MET: variants seen among roughly 807,000 people sequenced by gnomAD.
MET encodes the protein hepatocyte growth factor receptor.
Under a neutral mutation model 133.1 loss-of-function variants are expected in MET, and 48 were observed. The observed-to-expected ratio is 0.36, with a 90% CI of 0.29 to 0.46. MET has a LOEUF of 0.46. Among genes scored for constraint, MET ranks in the 20% least tolerant of loss-of-function variants. The pLI, the probability that MET is intolerant of heterozygous loss-of-function variation, is 1.00. For missense variants in MET, 1,442 were observed against 1,695.9 expected (o/e 0.85, Z 2.63); for synonymous variants, 628 against 616.5 (o/e 1.02, Z -0.28).
At chr7:116,779,011 C>A (rs2117049185) in intron 17 of MET, 54 bp downstream of exon 17, 2 of 1,579,878 alleles carry the variant, frequency 1.3e-6, no homozygotes, top group South Asian at 1.1e-5. Flanking sequence ...GCCAGCCATC[C>A]CTTCAAAATA....
intron 19 of MET, among the ~76,000 whole-genome samples, chr7:116,789,945 T>C (rs1394629404): frequency 1.3e-5 from 2 of 152,176 alleles, no homozygotes; most frequent in Non-Finnish European, 2.9e-5. Context: ...ATTAGCTGCT[T>C]TTCCTGATGC....
intron 19 of MET, among the ~76,000 whole-genome samples, chr7:116,784,877 C>G (rs142499284): frequency 0.011 from 1,617 of 152,244 alleles, 29 homozygotes; most frequent in African/African-American, 0.037. Flanking sequence ...AGGCAAGTCC[C>G]TTCTGCCTAT....
chr7:116,774,038 G>A (rs1440959096), intron 14 of MET, among the ~76,000 whole-genome samples: 1 of 152,104 alleles, frequency 6.6e-6, no homozygotes, highest in African/African-American at 2.4e-5. Flanking sequence ...CTGTGGCTAT[G>A]ATGCCCCCTC....
At chr7:116,758,071 T>C (rs1467685481) in intron 8 of MET, among the ~76,000 whole-genome samples, 3 of 152,194 alleles carry the variant, frequency 2.0e-5, no homozygotes, top group African/African-American at 7.2e-5. Context: ...GTCTGGTCAT[T>C]GATAATAATT....
intron 3 of MET, 51 bp from the exon 4 acceptor site, chr7:116,739,899 T>G: frequency 6.2e-7 from 1 of 1,613,332 alleles, no homozygotes; most frequent in East Asian, 2.2e-5. Flanking sequence ...TCCACTTATA[T>G]TTAAACTGAG....
intron 5 of MET, among the ~76,000 whole-genome samples, chr7:116,746,889 G>A (rs568944744): frequency 3.0e-4 from 45 of 151,882 alleles, no homozygotes; most frequent in East Asian, 2.7e-3. Flanking sequence ...TAACAAACCC[G>A]CACATTGTGC....
chr7:116,766,096 A>T (rs1177317352), intron 11 of MET, among the ~76,000 whole-genome samples: 1 of 152,220 alleles, frequency 6.6e-6, no homozygotes, highest in African/African-American at 2.4e-5. Flanking sequence ...TTTTATAAAT[A>T]TCTAAAAATT....
chr7:116,770,561 T>C (rs1313395317), intron 12 of MET, among the ~76,000 whole-genome samples: 2 of 152,136 alleles, frequency 1.3e-5, no homozygotes, highest in African/African-American at 4.8e-5. Context: ...CTATAACCAA[T>C]AAGCAGCAGC....
chr7:116,787,465 G>A (rs185799332), intron 19 of MET, among the ~76,000 whole-genome samples: 2 of 152,290 alleles, frequency 1.3e-5, no homozygotes, highest in East Asian at 3.9e-4. Flanking sequence ...AGATCAAGGG[G>A]CCACATGTGC....
At chr7:116,775,567 G>A (rs1212737241) in intron 15 of MET, among the ~76,000 whole-genome samples, 3 of 152,116 alleles carry the variant, frequency 2.0e-5, no homozygotes, top group East Asian at 1.9e-4. Flanking sequence ...TTAGCCAGGC[G>A]TGGTGGCGGG....
At chr7:116,719,860 G>T (rs1192551660) in intron 2 of MET, among the ~76,000 whole-genome samples, 1 of 151,688 alleles carries the variant, frequency 6.6e-6, no homozygotes, top group African/African-American at 2.4e-5. Context: ...TCTCTGTTTT[G>T]GTACCAGTAC....
At chr7:116,769,611 T>A (rs763901969) in intron 11 of MET, 34 bp from the exon 12 acceptor site, 2 of 1,602,880 alleles carry the variant, frequency 1.2e-6, no homozygotes, top group Non-Finnish European at 1.7e-6. Context: ...AACTGTGAAG[T>A]GTTAACAACC....
intron 2 of MET, among the ~76,000 whole-genome samples, chr7:116,727,418 A>C (rs1340309726): frequency 1.3e-5 from 2 of 152,150 alleles, no homozygotes; most frequent in African/African-American, 4.8e-5. Context: ...ATTATACATG[A>C]AAATACCCAC....
rs6566 is a variant in MET at position 116,798,364 on chromosome 7, G to A, written c.*2240G>A. The A allele has an allele frequency of 0.37, 69,298 of 187,378 alleles. 14,814 individuals carry two copies. The highest frequency in any genetic ancestry group is 0.49 in the East Asian group (5,700 of 11,586). 11.6% of individuals were successfully genotyped at this position (187,378 alleles called of 1,614,324 possible). ...TGTTCTGATAAATCATGCAATTAAA[G>A]TAAAGTGATGCAACATCTTGTATAC... On this transcript the variant is annotated 3_prime_UTR_variant, in exon 21 of 21. Coordinates refer to ENST00000397752, the MANE Select transcript of MET (RefSeq NM_000245.4).
At chr7:116,696,403 C>T (rs868094939) in intron 1 of MET, among the ~76,000 whole-genome samples, 1 of 152,174 alleles carries the variant, frequency 6.6e-6, no homozygotes, top group African/African-American at 2.4e-5. Flanking sequence ...CCTGTTACTA[C>T]TTTTTGCTTG....
intron 1 of MET, among the ~76,000 whole-genome samples, chr7:116,677,991 CTCTCTCTCTCTG>C (rs1449226043): frequency 7.0e-4 from 106 of 150,448 alleles, no homozygotes; most frequent in African/African-American, 2.3e-3. Context: ...CTCTCTGTCT[CTCTCTCTCTCTG>C]TCTCTGTCTC....
chr7:116,788,741 T>C (rs1795393431), intron 19 of MET, among the ~76,000 whole-genome samples: 1 of 152,244 alleles, frequency 6.6e-6, no homozygotes, highest in South Asian at 2.1e-4. Context: ...ATCTTGAATG[T>C]TGACATGGAA....
rs571369878 is a variant in MET, at chr7:116,736,353, CA to C, written c.1393-3583del. 4.1e-3 allele frequency among the ~76,000 whole-genome samples: 534 copies of C among 128,816 alleles called. 1 individual carries two copies. Among genetic ancestry groups the C allele is most frequent in the African/African-American group, 8.8e-3 (305 of 34,548 alleles). The allele number at this position is 128,816 out of a possible 152,430, so 84.5% of individuals were successfully genotyped here. On this transcript the variant is annotated intron_variant, in intron 3 of 20. Coordinates refer to ENST00000397752, the MANE Select transcript of MET (RefSeq NM_000245.4). ...ATGAAAGCATTCTACAACCCTGTCT[CA>C]AAAAAAAAAAAAATTAAAACCGTTC... is the stretch of plus-strand genomic sequence containing the variant.
chr7:116,752,808 G>C (rs1793978188), intron 5 of MET, among the ~76,000 whole-genome samples: 1 of 152,050 alleles, frequency 6.6e-6, no homozygotes, highest in Non-Finnish European at 1.5e-5. Context: ...TTTTTACATA[G>C]AAAGACGGGA....
Sources: gnomAD v4.1 joint callset for allele counts (sites outside exome capture counted in the v4.1 genomes callset) on GRCh38, gnomAD v4.1.1 for gene constraint, MANE v1.5 for transcripts, NCBI Gene and HGNC (gene_info 2026-07-23, HGNC 2026-07-21) for gene names.